GHR: variants seen among roughly 807,000 people sequenced by gnomAD.
GHR encodes GH receptor.
Under a neutral mutation model 67.1 loss-of-function variants are expected in GHR, and 35 were observed. The ratio of observed to expected loss-of-function variants is 0.52; its 90% CI spans 0.40 to 0.69. The LOEUF (loss-of-function observed/expected upper bound fraction) is 0.69. Among genes scored for constraint, GHR ranks in the 30% least tolerant of loss-of-function variants. GHR has a pLI of 0.00. For synonymous variants in GHR, 272 were observed against 269.1 expected (o/e 1.01, Z -0.10); for missense variants, 792 against 764.6 (o/e 1.04, Z -0.42).
chr5:42,613,690 C>T (rs941999285), intron 2 of GHR, among the ~76,000 whole-genome samples: 2 of 152,006 alleles, frequency 1.3e-5, no homozygotes, highest in Non-Finnish European at 2.9e-5. Flanking sequence ...AATGGCATAC[C>T]TAAATGGCAT....
At chr5:42,640,381 T>C (rs1233373594) in intron 3 of GHR, among the ~76,000 whole-genome samples, 1 of 152,134 alleles carries the variant, frequency 6.6e-6, no homozygotes, top group Non-Finnish European at 1.5e-5. Flanking sequence ...AGTAGGAACA[T>C]AGAAAAGTTC....
intron 3 of GHR, among the ~76,000 whole-genome samples, chr5:42,641,076 A>G (rs760884853): frequency 4.6e-5 from 7 of 152,036 alleles, no homozygotes; most frequent in Non-Finnish European, 8.8e-5. Flanking sequence ...GTCATGATCA[A>G]ATAAAATGTA....
chr5:42,719,160 G>C lies in GHR; in HGVS notation c.1653G>C (p.Lys551Asn). ...KKCIPVAPHI[K>N]VESHIQPSLN... ...GCATCCCTGTGGCTCCTCACATCAAGGTTGAATCACACATACAGCCAAGCT... is the reference window on the plus strand; with the variant it reads ...GCATCCCTGTGGCTCCTCACATCAACGTTGAATCACACATACAGCCAAGCT... The change falls in exon 10 of 10, where the codon AAG becomes AAC. Residue 551 changes from lysine to asparagine, a missense_variant. By Grantham distance (94) the Lys-to-Asn change is moderately conservative. Transcript: ENST00000230882. The C allele has an allele frequency of 1.2e-6, 2 of 1,614,122 alleles. No homozygotes were observed. The highest frequency in any genetic ancestry group is 1.7e-6 in the Non-Finnish European group (2 of 1,180,016).
intron 2 of GHR, among the ~76,000 whole-genome samples, chr5:42,598,836 C>T (rs1752217229): frequency 6.6e-6 from 1 of 152,138 alleles, no homozygotes; most frequent in African/African-American, 2.4e-5. Flanking sequence ...ATTTGGAATA[C>T]ACACAGTCAA....
At chr5:42,653,741 G>A (rs1187512899) in intron 3 of GHR, among the ~76,000 whole-genome samples, 2 of 152,048 alleles carry the variant, frequency 1.3e-5, no homozygotes, top group African/African-American at 2.4e-5. Flanking sequence ...GCTCTAGGGG[G>A]ATATTAAGCC....
At chr5:42,647,186 T>G (rs1754775124) in intron 3 of GHR, among the ~76,000 whole-genome samples, 1 of 152,172 alleles carries the variant, frequency 6.6e-6, no homozygotes, top group Non-Finnish European at 1.5e-5. Flanking sequence ...TGAGCTGTAC[T>G]GTGCAAAGTT....
At chr5:42,532,357 GA>G (rs1200886959) in intron 1 of GHR, among the ~76,000 whole-genome samples, 1 of 151,900 alleles carries the variant, frequency 6.6e-6, no homozygotes, top group Non-Finnish European at 1.5e-5. Flanking sequence ...ATGATAGATA[GA>G]TAGATAGATA....
intron 1 of GHR, among the ~76,000 whole-genome samples, chr5:42,449,341 T>C (rs1341497878): frequency 6.6e-6 from 1 of 152,244 alleles, no homozygotes; most frequent in African/African-American, 2.4e-5. Context: ...CTTGTAGAGA[T>C]CTTTCAACTC....
intron 1 of GHR, among the ~76,000 whole-genome samples, chr5:42,547,476 GT>G (rs113986171): frequency 1.9e-4 from 29 of 149,122 alleles, no homozygotes; most frequent in Non-Finnish European, 3.0e-4. Flanking sequence ...TAGAAAGCTG[GT>G]TTTTTTTTTA....
At chr5:42,554,133 C>G (rs1056577121) in intron 1 of GHR, among the ~76,000 whole-genome samples, 4 of 152,286 alleles carry the variant, frequency 2.6e-5, no homozygotes, top group African/African-American at 9.6e-5. Flanking sequence ...TATCAATACT[C>G]AGTCCCTATC....
chr5:42,604,480 C>A (rs557383949), intron 2 of GHR, among the ~76,000 whole-genome samples: 38 of 152,224 alleles, frequency 2.5e-4, no homozygotes, highest in Middle Eastern at 3.4e-3. Flanking sequence ...CAGAGAATTT[C>A]TTTATGGCCA....
rs2112085162 is a variant in GHR at position 42,468,540 on chromosome 5, C to G, written c.-12+44585C>G. 4.8e-6 allele frequency: 4 copies of G among 825,598 alleles called. No homozygotes were observed. In the East Asian group the frequency reaches 1.0e-4, roughly 21 times the overall value. The allele number at this position is 825,598 out of a possible 1,614,324, so 51.1% of individuals were successfully genotyped here. On this transcript the variant is annotated intron_variant, in intron 1 of 9. Coordinates refer to ENST00000230882, the MANE Select transcript of GHR (RefSeq NM_000163.5). ...ACCTCAGCTCCTACTGGCACGAGAA[C>G]AATGACCCTTATTCCTTCTTTCTTA...
rs139112620 is a variant in GHR at position 42,712,012 on chromosome 5, T to C, written c.784+640T>C. Among the ~76,000 whole-genome samples, 1,301 of 152,150 alleles carry C rather than the reference T, an allele frequency of 8.6e-3. 10 individuals are homozygous for C. The highest frequency in any genetic ancestry group is 0.011 in the Non-Finnish European group (746 of 67,960). On this transcript the variant is annotated intron_variant, in intron 7 of 9. Coordinates refer to ENST00000230882, the MANE Select transcript of GHR (RefSeq NM_000163.5). ...ACCTATGAATTTAGAATAAAAGAATTAAAACTTTTAGATACAGAAATAAAG... is the reference window on the plus strand; with the variant it reads ...ACCTATGAATTTAGAATAAAAGAATCAAAACTTTTAGATACAGAAATAAAG...
intron 2 of GHR, among the ~76,000 whole-genome samples, chr5:42,618,301 A>G (rs1192945857): frequency 1.3e-5 from 2 of 152,130 alleles, no homozygotes; most frequent in African/African-American, 2.4e-5. Flanking sequence ...AAGTGAATCT[A>G]AAATGTTTGA....
chr5:42,679,514 A>G (rs1756750476), intron 3 of GHR, among the ~76,000 whole-genome samples: 1 of 152,158 alleles, frequency 6.6e-6, no homozygotes, highest in East Asian at 1.9e-4. Context: ...AGTCCCAGCT[A>G]TGCAGGAGGC....
chr5:42,496,548 G>C (rs1746327483), intron 1 of GHR, among the ~76,000 whole-genome samples: 2 of 152,138 alleles, frequency 1.3e-5, no homozygotes, highest in African/African-American at 4.8e-5. Context: ...ATTTCTGAAA[G>C]TTGGGGCATC....
At chr5:42,428,847 TCTAGGAA>T (rs1161742948) in intron 1 of GHR, among the ~76,000 whole-genome samples, 13 of 152,192 alleles carry the variant, frequency 8.5e-5, no homozygotes, top group African/African-American at 2.9e-4. Context: ...TCAACAAGTC[TCTAGGAA>T]GTTCCAAACT....
intron 1 of GHR, among the ~76,000 whole-genome samples, chr5:42,456,416 C>T (rs928996232): frequency 1.3e-5 from 2 of 152,256 alleles, no homozygotes; most frequent in East Asian, 1.9e-4. Context: ...TAAGGTAGGA[C>T]TAAAAATCAT....
intron 2 of GHR, among the ~76,000 whole-genome samples, chr5:42,576,046 TAATAAAATAAAATAAAATAAAATAA>T (rs1554021364): frequency 1.1e-4 from 6 of 55,886 alleles, no homozygotes; most frequent in Non-Finnish European, 2.1e-4. Context: ...AAAATTAAAA[TAATAAAATAAAATAAAATAAAATAA>T]AATAAAATAA....
Sources: gnomAD v4.1 joint callset for allele counts (sites outside exome capture counted in the v4.1 genomes callset) on GRCh38, gnomAD v4.1.1 for gene constraint, MANE v1.5 for transcripts, NCBI Gene and HGNC (gene_info 2026-07-23, HGNC 2026-07-21) for gene names.